Variants in PLEKHG3 observed in about 807,000 individuals in gnomAD.
PLEKHG3 encodes pleckstrin homology domain-containing family G member 3.
PLEKHG3 carries 62 observed loss-of-function variants against 94.9 expected under a neutral mutation model. That is an observed-to-expected ratio of 0.65 (90% CI 0.53 to 0.81). PLEKHG3 has a LOEUF of 0.81. Ranked by LOEUF, PLEKHG3 falls within the 30% of genes least tolerant of loss-of-function variation. The probability of loss-of-function intolerance (pLI) is 0.00; values close to 1 mark genes in which losing one functional copy is unlikely to be tolerated. For missense variants in PLEKHG3, 1,461 were observed against 1,619.3 expected (o/e 0.90, Z 1.68); for synonymous variants, 614 against 654.0 (o/e 0.94, Z 0.93).
At position 64,727,528 on chromosome 14, in the gene PLEKHG3, CGT is replaced by C; in HGVS notation, c.-39-64_-39-63del. On this transcript the variant is annotated intron_variant, in intron 1 of 16. Transcript: ENST00000247226. The surrounding 1 kb of genome is among the most constrained non-coding windows in gnomAD (Gnocchi z 6.0). ...CCCACCTGCCCCCACCCCTGGCAAC[CGT>C]CCCTCTGTTCTGTTTCTGTGGGCAT... 1.6e-6 allele frequency: 1 copy of C among 606,886 alleles called. No individual in the cohort carries two copies. The highest frequency in any genetic ancestry group is 3.0e-6 in the Non-Finnish European group (1 of 336,872). 37.6% of individuals were successfully genotyped at this position (606,886 alleles called of 1,614,324 possible).
chr14:64,707,019 T>A (rs997263506), intron 1 of PLEKHG3, among the ~76,000 whole-genome samples: 1 of 152,178 alleles, frequency 6.6e-6, no homozygotes, highest in Non-Finnish European at 1.5e-5. Flanking sequence ...TGTCTTCAGC[T>A]CCTCATCTGT....
rs1555359510 is a variant in PLEKHG3, at chr14:64,717,112, C to CGTGTGTGTGAGT, written c.-39-10472_-39-10471insAGTGTGTGTGTG. On this transcript the variant is annotated intron_variant, in intron 1 of 16. Transcript: ENST00000247226. The surrounding 1 kb of genome is among the most constrained non-coding windows in gnomAD (Gnocchi z 4.7). ...GGCTGGCCGCCTTTGGGAATTTACA[C>CGTGTGTGTGAGT]GTGTGTGTGTGTGTGTGTGTGTGTG... Among the ~76,000 whole-genome samples, 9 of 144,270 alleles carry CGTGTGTGTGAGT rather than the reference C, an allele frequency of 6.2e-5. No individual in the cohort carries two copies. Among genetic ancestry groups the CGTGTGTGTGAGT allele is most frequent in the African/African-American group, 2.3e-4 (9 of 38,616 alleles). The allele number at this position is 144,270 out of a possible 152,430, so 94.6% of individuals were successfully genotyped here.
chr14:64,710,548 G>A (rs568190173), intron 1 of PLEKHG3, among the ~76,000 whole-genome samples: 2 of 152,280 alleles, frequency 1.3e-5, no homozygotes, highest in African/African-American at 2.4e-5. Context: ...GCGGGCACCC[G>A]TAATCCCAGC....
Position 64,738,311 on chromosome 14 carries a change from C to T in PLEKHG3, c.1405-431C>T, listed in dbSNP as rs958331359. ...CGAGGGCCCCCTCTGCTGCCCTCCT[C>T]ACCCCACCCTGCCCTGGTTTTACTC... On this transcript the variant is annotated intron_variant, in intron 14 of 16. Transcript: ENST00000247226. The surrounding 1 kb of genome is among the most constrained non-coding windows in gnomAD (Gnocchi z 4.8). 3 of 783,358 alleles carry T rather than the reference C, an allele frequency of 3.8e-6. No homozygotes were observed. Among genetic ancestry groups the T allele is most frequent in the Non-Finnish European group, 5.5e-6 (3 of 544,934 alleles). The allele number at this position is 783,358 out of a possible 1,614,324, so 48.5% of individuals were successfully genotyped here.
intron 1 of PLEKHG3, among the ~76,000 whole-genome samples, chr14:64,719,170 T>C (rs1040953761): frequency 3.9e-5 from 6 of 152,162 alleles, no homozygotes; most frequent in African/African-American, 1.4e-4. Flanking sequence ...TCATAGAAGA[T>C]GGATAAACAC....
intron 12 of PLEKHG3, among the ~76,000 whole-genome samples, chr14:64,733,999 G>A (rs1419606322): frequency 6.6e-6 from 1 of 152,206 alleles, no homozygotes; most frequent in Admixed American, 6.5e-5. Context: ...GTGACTGAGA[G>A]TGGTGTCCTG....
At position 64,727,031 on chromosome 14, in the gene PLEKHG3, T is replaced by C. The variant is rs567184282; in HGVS notation, c.-39-562T>C. ...CACAACTGCCATTATTATCACCATA[T>C]TGATGGTGTATGGAGCACGTACCCT... On this transcript the variant is annotated intron_variant, in intron 1 of 16. Transcript: ENST00000247226. The surrounding 1 kb of genome is among the most constrained non-coding windows in gnomAD (Gnocchi z 6.0). Among the ~76,000 whole-genome samples, 2 of 152,260 alleles carry C rather than the reference T, an allele frequency of 1.3e-5. No individual in the cohort carries two copies. Among genetic ancestry groups the C allele is most frequent in the Middle Eastern group, 3.4e-3 (1 of 294 alleles).
Position 64,742,277 on chromosome 14 carries a change from G to A in PLEKHG3, c.2760G>A (p.Glu920=). 1 of 1,612,974 alleles carries A rather than the reference G, an allele frequency of 6.2e-7. No homozygotes were observed. Among genetic ancestry groups the A allele is most frequent in the Non-Finnish European group, 8.5e-7 (1 of 1,180,038 alleles). ...ACGTAATGGACAGCCACGTGAGCGA[G>A]CGCGTCAAGAACAAGGTCTACCAGC... ...LSHVMDSHVS[E]RVKNKVYQLA... The change falls in exon 16 of 17, where the codon GAG becomes GAA. Residue 920 remains glutamate, a synonymous_variant. Transcript: ENST00000247226.
chr14:64,708,982 T>C (rs545178369), intron 1 of PLEKHG3, among the ~76,000 whole-genome samples: 1 of 152,238 alleles, frequency 6.6e-6, no homozygotes, highest in Admixed American at 6.5e-5. Context: ...AGCATGTTAG[T>C]GTTGGGTGAC....
rs542295156 is a variant in PLEKHG3 at position 64,732,522 on chromosome 14, A to C, written c.1246+62A>C. ...CGTGCACATTGCTAGGTCAGGCTGCATCCTGGGGAAGCTTTACCTGATAAT... is the reference window on the plus strand; with the variant it reads ...CGTGCACATTGCTAGGTCAGGCTGCCTCCTGGGGAAGCTTTACCTGATAAT... On this transcript the variant is annotated intron_variant, in intron 11 of 16. Transcript: ENST00000247226. This position sits in a 1 kb window ranked among gnomAD's most constrained non-coding sequence, Gnocchi z 4.9. The C allele has an allele frequency of 4.8e-6, 7 of 1,453,308 alleles. No homozygotes were observed. In the East Asian group the frequency reaches 1.6e-4, roughly 33 times the overall value. 90.0% of individuals were successfully genotyped at this position (1,453,308 alleles called of 1,614,324 possible).
chr14:64,749,103 AGCGCGG>A lies in PLEKHG3; in HGVS notation c.*5404_*5409del, dbSNP rs897321656. 1.9e-6 allele frequency: 1 copy of A among 531,654 alleles called. No individual in the cohort carries two copies. Among genetic ancestry groups the A allele is most frequent in the Non-Finnish European group, 3.2e-6 (1 of 311,898 alleles). 32.9% of individuals were successfully genotyped at this position (531,654 alleles called of 1,614,324 possible). ...GAGCCCCTGTCCCTGGAGCGGAGCC[AGCGCGG>A]GCGAGGGCATGGAGGGGGCGTCGGC... is the stretch of plus-strand genomic sequence containing the variant. On this transcript the variant is annotated 3_prime_UTR_variant, in exon 17 of 17. Coordinates refer to ENST00000247226, the MANE Select transcript of PLEKHG3 (RefSeq NM_001308147.2). The surrounding 1 kb of genome is among the most constrained non-coding windows in gnomAD (Gnocchi z 4.7).
chr14:64,708,318 C>T (rs543300969), intron 1 of PLEKHG3, among the ~76,000 whole-genome samples: 12 of 152,256 alleles, frequency 7.9e-5, no homozygotes, highest in Admixed American at 3.9e-4. Context: ...CCTGACCTCC[C>T]GACTCTGCCT....
Position 64,742,024 on chromosome 14 carries a change from A to G in PLEKHG3, c.2507A>G (p.Gln836Arg). The G allele has an allele frequency of 6.3e-7, 1 of 1,587,804 alleles. No individual in the cohort carries two copies. Among genetic ancestry groups the G allele is most frequent in the Non-Finnish European group, 8.6e-7 (1 of 1,165,942 alleles). The change falls in exon 16 of 17, where the codon CAG (glutamine) becomes CGG (arginine). Residue 836 changes from glutamine to arginine, a missense_variant. This residue lies in a region of PLEKHG3 where 1,201 missense variants were observed against 1,295.5 expected (regional missense o/e 0.93). Transcript: ENST00000247226. The stretch of plus-strand genomic sequence containing the variant: ...CCTGGGAAGGGGCCAGGCCAGGGCC[A>G]GGCCAATGGCTTTGACCTGCATGAG... ...GSPGKGPGQG[Q>R]ANGFDLHEPL... is the part of the protein sequence containing the mutation.
intron 3 of PLEKHG3, among the ~76,000 whole-genome samples, chr14:64,729,467 A>G (rs1378797864): frequency 6.6e-6 from 1 of 152,090 alleles, no homozygotes; most frequent in Non-Finnish European, 1.5e-5. Flanking sequence ...CACTGACCCC[A>G]AGGGCTCCCT....
At position 64,716,098 on chromosome 14, in the gene PLEKHG3, T is replaced by TACCC; in HGVS notation, c.-40+11395_-40+11398dup. The TACCC allele has an allele frequency of 4.4e-6, 2 of 455,806 alleles. No homozygotes were observed. The highest frequency in any genetic ancestry group is 8.8e-6 in the Non-Finnish European group (2 of 226,474). The allele number at this position is 455,806 out of a possible 1,614,324, so 28.2% of individuals were successfully genotyped here. ...GAGCTCTCCTGAGGAAAGCGGTAGGTACCCGGCTGGGGCCAGGCCAGGGGA... is the reference window on the plus strand; with the variant it reads ...GAGCTCTCCTGAGGAAAGCGGTAGGTACCCACCCGGCTGGGGCCAGGCCAGGGGA... On this transcript the variant is annotated intron_variant, in intron 1 of 16. Coordinates refer to ENST00000247226, the MANE Select transcript of PLEKHG3 (RefSeq NM_001308147.2). This position sits in a 1 kb window ranked among gnomAD's most constrained non-coding sequence, Gnocchi z 5.0.
chr14:64,716,475 AC>A lies in PLEKHG3; in HGVS notation c.-39-11117del, dbSNP rs2081155869. Among the ~76,000 whole-genome samples, 146 of 136,838 alleles carry A rather than the reference AC, an allele frequency of 1.1e-3. No homozygotes were observed. Among genetic ancestry groups the A allele is most frequent in the Non-Finnish European group, 1.7e-3 (107 of 64,146 alleles). The allele number at this position is 136,838 out of a possible 152,430, so 89.8% of individuals were successfully genotyped here. On this transcript the variant is annotated intron_variant, in intron 1 of 16. Transcript: ENST00000247226. This position sits in a 1 kb window ranked among gnomAD's most constrained non-coding sequence, Gnocchi z 5.0. Reference sequence around the variant, plus strand: ...ACACACACACACACACAACACACACACACACAACACACACACACACAACACA... The same window carrying A: ...ACACACACACACACACAACACACACAACACAACACACACACACACAACACA...
rs998261479 is a variant in PLEKHG3, at chr14:64,747,616, G to A, written c.*3913G>A. On this transcript the variant is annotated 3_prime_UTR_variant, in exon 17 of 17. Coordinates refer to ENST00000247226, the MANE Select transcript of PLEKHG3 (RefSeq NM_001308147.2). ...GTGGAACTGATTTCTGCCGGCACTG[G>A]TCAGCACTCAGGGTTCCTCAGGGGG... 3 of 152,338 alleles carry A rather than the reference G, an allele frequency of 2.0e-5. No individual in the cohort carries two copies. The highest frequency in any genetic ancestry group is 7.2e-5 in the African/African-American group (3 of 41,450). 9.4% of individuals were successfully genotyped at this position (152,338 alleles called of 1,614,324 possible).
chr14:64,732,794 T>C lies in PLEKHG3; in HGVS notation c.1247-9T>C. ...ATCAAAAGCTTGATCGTCTCTCTCC[T>C]GGGTGCAGATCCCAATCGGTACCGC... On this transcript the variant is annotated splice_polypyrimidine_tract_variant and intron_variant, in intron 11 of 16. Coordinates refer to ENST00000247226, the MANE Select transcript of PLEKHG3 (RefSeq NM_001308147.2). The surrounding 1 kb of genome is among the most constrained non-coding windows in gnomAD (Gnocchi z 4.9). 5 of 1,594,126 alleles carry C rather than the reference T, an allele frequency of 3.1e-6. No homozygotes were observed. The highest frequency in any genetic ancestry group is 4.3e-6 in the Non-Finnish European group (5 of 1,169,828).
chr14:64,732,131 C>T lies in PLEKHG3; in HGVS notation c.1162C>T (p.His388Tyr), dbSNP rs142732386. ...GGAGGAGAAACGGAACTGGACTCAC[C>T]ACATCAAGAGGCTCATCCTAGAGAA... ...TVEEKRNWTH[H>Y]IKRLILENHH... The change falls in exon 10 of 17, where the codon CAC (histidine) becomes TAC (tyrosine). Residue 388 changes from histidine to tyrosine, a missense_variant. Physicochemically the swap from His to Tyr is moderately conservative, Grantham distance 83 (BLOSUM62 2). Around this residue, in one of 3 missense-constraint regions of PLEKHG3, gnomAD observed 1,201 missense variants for 1,295.5 expected, o/e 0.93. Coordinates refer to ENST00000247226, the MANE Select transcript of PLEKHG3 (RefSeq NM_001308147.2). This position sits in a 1 kb window ranked among gnomAD's most constrained non-coding sequence, Gnocchi z 4.9. 4.8e-4 allele frequency: 776 copies of T among 1,614,058 alleles called. 1 individual carries two copies. Among genetic ancestry groups the T allele is most frequent in the Non-Finnish European group, 6.2e-4 (726 of 1,179,964 alleles).
Sources: allele counts gnomAD v4.1 joint callset (sites outside exome capture counted in the v4.1 genomes callset), GRCh38; gene constraint gnomAD v4.1.1; regional missense constraint gnomAD v4.1.1; non-coding constraint Gnocchi (gnomAD v3.1); transcripts MANE v1.5; gene names NCBI Gene and HGNC (gene_info 2026-07-23, HGNC 2026-07-21).